ATXN7L1: variants seen among roughly 807,000 people sequenced by gnomAD.
ATXN7L1 encodes ataxin 7 like 1.
A neutral mutation model predicts 70.8 loss-of-function variants in ATXN7L1; 15 were observed. The observed-to-expected ratio is 0.21, with a 90% confidence interval of 0.14 to 0.33. ATXN7L1 has a LOEUF of 0.33. Ranked by LOEUF, ATXN7L1 falls within the 10% of genes least tolerant of loss-of-function variation. The probability of loss-of-function intolerance (pLI) is 1.00; values close to 1 mark genes in which losing one functional copy is unlikely to be tolerated. For missense variants in ATXN7L1, 975 were observed against 1,097.1 expected, an observed-to-expected ratio of 0.89 and a Z score of 1.57; for synonymous variants, 440 against 445.1, an observed-to-expected ratio of 0.99 and a Z score of 0.14.
chr7:105,726,912 A>G (rs542217680), intron 3 of ATXN7L1, among the ~76,000 whole-genome samples: 8 of 152,354 alleles, frequency 5.3e-5, no homozygotes, highest in Non-Finnish European at 7.3e-5. Flanking sequence ...TCCCTCTTCT[A>G]TTAATTTAAC....
At chr7:105,679,980 C>G (rs1489409990) in intron 3 of ATXN7L1, among the ~76,000 whole-genome samples, 1 of 151,684 alleles carries the variant, frequency 6.6e-6, no homozygotes, top group Non-Finnish European at 1.5e-5. Flanking sequence ...CTGCTAGGAC[C>G]TCTCCTGTGT....
intron 5 of ATXN7L1, among the ~76,000 whole-genome samples, chr7:105,642,041 A>G (rs1384693077): frequency 6.6e-6 from 1 of 152,208 alleles, no homozygotes; most frequent in Non-Finnish European, 1.5e-5. Flanking sequence ...GGGAGTGCCC[A>G]TGATGTAAGA....
At chr7:105,864,834 A>C (rs578165056) in intron 2 of ATXN7L1, among the ~76,000 whole-genome samples, 1 of 152,016 alleles carries the variant, frequency 6.6e-6, no homozygotes, top group Non-Finnish European at 1.5e-5. Context: ...ATGGGGTTTC[A>C]CCACATTGGC....
intron 10 of ATXN7L1, chr7:105,613,410 G>T: frequency 1.1e-6 from 1 of 900,178 alleles, no homozygotes; most frequent in Non-Finnish European, 1.3e-6. Flanking sequence ...CCCTGGGTCA[G>T]CATTTAACCT....
chr7:105,808,994 T>C (rs987069235), intron 2 of ATXN7L1, among the ~76,000 whole-genome samples: 3 of 152,320 alleles, frequency 2.0e-5, no homozygotes, highest in Middle Eastern at 3.4e-3. Context: ...ATGTGAGGCG[T>C]TTCTCCCAAA....
intron 9 of ATXN7L1, among the ~76,000 whole-genome samples, chr7:105,619,532 T>TA (rs1562901473): frequency 9.7e-3 from 52 of 5,352 alleles, no homozygotes; most frequent in Admixed American, 0.014. Context: ...ATATATATAT[T>TA]TTTTTTTTTT....
intron 2 of ATXN7L1, among the ~76,000 whole-genome samples, chr7:105,790,646 CT>C (rs755762967): frequency 0.027 from 3,862 of 144,096 alleles, 57 homozygotes; most frequent in African/African-American, 0.029. Flanking sequence ...ATCTATCTAT[CT>C]ATCTATCATC....
chr7:105,728,153 G>A (rs1796133408), intron 3 of ATXN7L1, among the ~76,000 whole-genome samples: 1 of 151,984 alleles, frequency 6.6e-6, no homozygotes, highest in Non-Finnish European at 1.5e-5. Flanking sequence ...TGCAGACAGT[G>A]GCAAGAAAAT....
intron 3 of ATXN7L1, among the ~76,000 whole-genome samples, chr7:105,739,648 T>C (rs998884075): frequency 6.6e-6 from 1 of 152,172 alleles, no homozygotes; most frequent in East Asian, 1.9e-4. Context: ...CAATATCAAA[T>C]GAAGAAAGTA....
chr7:105,827,118 CTG>C (rs1338338746), intron 2 of ATXN7L1, among the ~76,000 whole-genome samples: 2 of 152,150 alleles, frequency 1.3e-5, no homozygotes, highest in African/African-American at 4.8e-5. Context: ...GATGGGGACT[CTG>C]TCTTTGCTGG....
At chr7:105,831,235 A>G (rs1585105898) in intron 2 of ATXN7L1, among the ~76,000 whole-genome samples, 1 of 152,204 alleles carries the variant, frequency 6.6e-6, no homozygotes, top group Non-Finnish European at 1.5e-5. Context: ...GAAGAATTCT[A>G]CTTCAAAATA....
intron 2 of ATXN7L1, among the ~76,000 whole-genome samples, chr7:105,821,434 A>C (rs1810145843): frequency 6.6e-6 from 1 of 152,224 alleles, no homozygotes; most frequent in Admixed American, 6.5e-5. Context: ...CTGCTTTAAG[A>C]TCCTGTGCAG....
At chr7:105,875,626 T>TGCCC (rs146310508) in intron 2 of ATXN7L1, among the ~76,000 whole-genome samples, 186 bp downstream of exon 2, 1 of 59,562 alleles carries the variant, frequency 1.7e-5, no homozygotes, top group Non-Finnish European at 3.1e-5. Flanking sequence ...CACCCCCCTT[T>TGCCC]ACCCCCCCCC....
chr7:105,692,403 T>TTCCCTCCCTCCC (rs1554431599), intron 3 of ATXN7L1, among the ~76,000 whole-genome samples: 3 of 68,116 alleles, frequency 4.4e-5, no homozygotes, highest in East Asian at 6.1e-4. Flanking sequence ...CCTTCCTTCC[T>TTCCCTCCCTCCC]TCCTTCCTTC....
intron 3 of ATXN7L1, among the ~76,000 whole-genome samples, chr7:105,711,494 T>C (rs1246905346): frequency 6.6e-6 from 1 of 152,240 alleles, no homozygotes; most frequent in Non-Finnish European, 1.5e-5. Flanking sequence ...TGGGTAAATG[T>C]TCTTGCTCTA....
intron 4 of ATXN7L1, among the ~76,000 whole-genome samples, chr7:105,655,954 G>A (rs537491805): frequency 2.6e-5 from 4 of 152,322 alleles, no homozygotes; most frequent in Non-Finnish European, 4.4e-5. Flanking sequence ...CTGGAGCAGC[G>A]GGCTCATCTT....
chr7:105,653,766 C>T (rs1800203909), intron 4 of ATXN7L1, among the ~76,000 whole-genome samples: 2 of 152,042 alleles, frequency 1.3e-5, no homozygotes, highest in Non-Finnish European at 2.9e-5. Flanking sequence ...CCCCAGCCAC[C>T]TTCTCCTGTA....
intron 3 of ATXN7L1, among the ~76,000 whole-genome samples, chr7:105,706,145 A>G (rs13221063): frequency 0.15 from 22,325 of 151,902 alleles, 1,759 homozygotes; most frequent in Non-Finnish European, 0.17. Context: ...CACTGTGCTT[A>G]TTTTTTAACT....
At position 105,786,599 on chromosome 7, in the gene ATXN7L1, C is replaced by G. The variant is rs184665940; in HGVS notation, c.355+2005G>C. 1.9e-3 allele frequency among the ~76,000 whole-genome samples: 291 copies of G among 152,270 alleles called. 5 individuals carry two copies. The highest frequency in any genetic ancestry group is 0.016 in the Admixed American group (248 of 15,300). The stretch of plus-strand genomic sequence containing the variant: ...ACAATGGCACAATCATAGCTCACAG[C>G]AACCTCGAACTGCTGGGCTCAAGCA... On this transcript the variant is annotated intron_variant, in intron 3 of 11. Coordinates refer to ENST00000419735, the MANE Select transcript of ATXN7L1 (RefSeq NM_020725.2).
Sources: allele counts gnomAD v4.1 joint callset (sites outside exome capture counted in the v4.1 genomes callset), GRCh38; gene constraint gnomAD v4.1.1; transcripts MANE v1.5; gene names NCBI Gene and HGNC (gene_info 2026-07-23, HGNC 2026-07-21).